Variants in ERI3 observed in about 807,000 individuals in gnomAD.
ERI3 encodes the protein ERI1 exoribonuclease 3.
Under a neutral mutation model 44.4 loss-of-function variants are expected in ERI3, and 18 were observed. The observed-to-expected ratio is 0.41, with a 90% confidence interval of 0.28 to 0.60. The LOEUF is 0.60. Among genes scored for constraint, ERI3 ranks in the 20% least tolerant of loss-of-function variants. ERI3 has a pLI of 0.36. For synonymous variants in ERI3, 183 were observed against 164.8 expected, an observed-to-expected ratio of 1.11 and a Z score of -0.84; for missense variants, 294 against 435.5, an observed-to-expected ratio of 0.68 and a Z score of 2.89.
chr1:44,243,397 T>C (rs938085050), intron 8 of ERI3: 1 of 152,292 alleles, frequency 6.6e-6, no homozygotes, highest in African/African-American at 2.4e-5. Flanking sequence ...GGTGAGATTT[T>C]ACTGACATTT....
intron 6 of ERI3, among the ~76,000 whole-genome samples, chr1:44,306,160 C>T (rs1645828070): frequency 6.6e-6 from 1 of 152,216 alleles, no homozygotes; most frequent in African/African-American, 2.4e-5. Context: ...AGAGCTCCCT[C>T]CCCCAAGCCC....
rs149068183 is a variant in ERI3, at chr1:44,319,724, G to C, written c.510C>G (p.Ile170Met). The C allele has an allele frequency of 1.9e-6, 3 of 1,613,768 alleles. No homozygotes were observed. In the African/African-American group the frequency reaches 4.0e-5, roughly 22 times the overall value. ...CCATGGTCCGGCCATTTAGCTTTAG[G>C]ATGGGGAACTCGATGATTTCCTGGA... ...IHPQEIIEFPILKLNGRTMEI... is the reference protein window; with the variant it reads ...IHPQEIIEFPMLKLNGRTMEI... The change falls in exon 4 of 9, where the codon ATC becomes ATG. Residue 170 changes from isoleucine to methionine, a missense_variant. Transcript: ENST00000372257.
rs1259174180 is a variant in ERI3, at chr1:44,308,347, T to C, written c.721A>G (p.Ile241Val). 1 of 1,614,162 alleles carries C rather than the reference T, an allele frequency of 6.2e-7. No homozygotes were observed. Among genetic ancestry groups the C allele is most frequent in the Non-Finnish European group, 8.5e-7 (1 of 1,180,000 alleles). Reference sequence around the variant, plus strand: ...TCCCAGTCTCCACAGGTGACAAAAATTGACTTGACGTTTGGATCTAAGAGG... The same window carrying C: ...TCCCAGTCTCCACAGGTGACAAAAACTGACTTGACGTTTGGATCTAAGAGG... The part of the protein sequence containing the change: ...EGLLDPNVKS[I>V]FVTCGDWDLK... Residue 241 changes from isoleucine (I) to valine (V), a missense_variant, in exon 6 of 9, where the codon ATT (isoleucine) becomes GTT (valine). By Grantham distance (29) the Ile-to-Val change is conservative. Around this residue, in one of 2 missense-constraint regions of ERI3, gnomAD observed 187 missense variants for 338.6 expected, o/e 0.55. Transcript: ENST00000372257.
intron 2 of ERI3, among the ~76,000 whole-genome samples, chr1:44,340,208 A>C (rs1646625592): frequency 6.6e-6 from 1 of 152,208 alleles, no homozygotes; most frequent in Non-Finnish European, 1.5e-5. Flanking sequence ...TTAAATTTGC[A>C]GAATGCCTGC....
At chr1:44,281,878 A>ATGTGTGTGTGTGTGTGTGTGTGTGTGTG (rs10574197) in intron 7 of ERI3, among the ~76,000 whole-genome samples, 1 of 126,966 alleles carries the variant, frequency 7.9e-6, no homozygotes. Flanking sequence ...ACATGTGCAT[A>ATGTGTGTGTGTGTGTGTGTGTGTGTGTG]TGTGTGTGTG....
intron 7 of ERI3, chr1:44,284,144 C>G: frequency 2.2e-6 from 1 of 457,424 alleles, no homozygotes; most frequent in Non-Finnish European, 4.5e-6. Flanking sequence ...TCCTCTAGAG[C>G]AGGGATACTC....
At chr1:44,345,067 G>A (rs1646757514) in intron 2 of ERI3, among the ~76,000 whole-genome samples, 1 of 152,244 alleles carries the variant, frequency 6.6e-6, no homozygotes, top group African/African-American at 2.4e-5. Flanking sequence ...CACATTTAAT[G>A]AGGGAAATAA....
At chr1:44,340,149 C>CAAAAAAAAA (rs35880098) in intron 2 of ERI3, among the ~76,000 whole-genome samples, 1 of 121,104 alleles carries the variant, frequency 8.3e-6, no homozygotes. Flanking sequence ...TGAACATGTG[C>CAAAAAAAAA]AAAAAAAAAA....
chr1:44,232,127 T>C (rs1644199281), intron 8 of ERI3, among the ~76,000 whole-genome samples: 1 of 152,198 alleles, frequency 6.6e-6, no homozygotes, highest in South Asian at 2.1e-4. Context: ...TTATTTAAGA[T>C]ATTTAAAATT....
intron 3 of ERI3, among the ~76,000 whole-genome samples, chr1:44,335,069 G>A (rs1572312912): frequency 6.6e-6 from 1 of 152,076 alleles, no homozygotes; most frequent in Admixed American, 6.6e-5. Flanking sequence ...GCTGGCTGTG[G>A]TGGCTCACAC....
intron 6 of ERI3, among the ~76,000 whole-genome samples, chr1:44,306,078 T>G (rs1341439548): frequency 2.0e-5 from 3 of 152,224 alleles, no homozygotes; most frequent in Non-Finnish European, 4.4e-5. Context: ...CCGGCTGTTT[T>G]TATTTTGTTA....
At chr1:44,299,543 C>T (rs1025921112) in intron 6 of ERI3, among the ~76,000 whole-genome samples, 1 of 151,976 alleles carries the variant, frequency 6.6e-6, no homozygotes. Flanking sequence ...TTTAAAAAAA[C>T]ACAGATCTAA....
intron 8 of ERI3, among the ~76,000 whole-genome samples, chr1:44,233,290 C>A (rs1557769944): frequency 6.6e-6 from 1 of 152,114 alleles, no homozygotes; most frequent in Non-Finnish European, 1.5e-5. Flanking sequence ...AAACCCCTCA[C>A]CCATGCAAAC....
intron 8 of ERI3, among the ~76,000 whole-genome samples, chr1:44,246,532 T>C (rs1430189567): frequency 6.6e-6 from 1 of 152,230 alleles, no homozygotes; most frequent in Non-Finnish European, 1.5e-5. Context: ...GCCTGAGCCC[T>C]GGGAAACCCT....
intron 7 of ERI3, among the ~76,000 whole-genome samples, chr1:44,279,885 ATT>A (rs1290902510): frequency 2.0e-5 from 3 of 152,246 alleles, no homozygotes; most frequent in Non-Finnish European, 4.4e-5. Flanking sequence ...CAAATTTTGC[ATT>A]TGTTAATGTG....
At chr1:44,293,939 G>A (rs553203787) in intron 6 of ERI3, among the ~76,000 whole-genome samples, 22 of 152,188 alleles carry the variant, frequency 1.4e-4, no homozygotes, top group African/African-American at 2.9e-4. Context: ...GAACCCAGCC[G>A]GGCAGAGAAA....
At chr1:44,248,152 T>C in intron 7 of ERI3, 114 bp from the exon 8 acceptor site, 2 of 629,856 alleles carry the variant, frequency 3.2e-6, no homozygotes, top group South Asian at 4.2e-5. Context: ...CCTCTCATAA[T>C]GCCATCTCGT....
chr1:44,272,733 C>T (rs1456296905), intron 7 of ERI3, among the ~76,000 whole-genome samples: 1 of 151,978 alleles, frequency 6.6e-6, no homozygotes, highest in African/African-American at 2.4e-5. Context: ...CCCAGCTACT[C>T]TGGCGGCTGA....
intron 8 of ERI3, among the ~76,000 whole-genome samples, chr1:44,242,422 C>T (rs1189405450): frequency 6.6e-6 from 1 of 152,254 alleles, no homozygotes; most frequent in African/African-American, 2.4e-5. Flanking sequence ...GTCCCACATC[C>T]TATCAGATCT....
Sources: allele counts gnomAD v4.1 joint callset (sites outside exome capture counted in the v4.1 genomes callset), GRCh38; gene constraint gnomAD v4.1.1; regional missense constraint gnomAD v4.1.1; transcripts MANE v1.5; gene names NCBI Gene and HGNC (gene_info 2026-07-23, HGNC 2026-07-21).